The following GABRR1 variants were observed in gnomAD, a reference collection of about 807,000 sequenced individuals.
GABRR1 encodes gamma-aminobutyric acid type A receptor subunit rho1, also known as gamma-aminobutyric acid receptor subunit rho-1.
Under a neutral mutation model 55.5 loss-of-function variants are expected in GABRR1, and 59 were observed. The observed-to-expected ratio is 1.06, with a 90% CI of 0.86 to 1.32. The LOEUF is 1.32. Among genes scored for constraint, GABRR1 ranks in the 40% most tolerant of loss-of-function variants. GABRR1 has a pLI of 0.00. For missense variants in GABRR1, 602 were observed against 619.1 expected, an observed-to-expected ratio of 0.97 and a Z score of 0.29; for synonymous variants, 213 against 226.0, an observed-to-expected ratio of 0.94 and a Z score of 0.51.
At chr6:89,207,474 T>C (rs545436059) in intron 1 of GABRR1, among the ~76,000 whole-genome samples, 5 of 152,126 alleles carry the variant, frequency 3.3e-5, no homozygotes, top group African/African-American at 4.8e-5. Flanking sequence ...GGATTACAAG[T>C]GTGAGCCACC....
chr6:89,231,270 GC>G (rs1773286407), exon 1 of GABRR1: 1 of 153,606 alleles, frequency 6.5e-6, no homozygotes, highest in African/African-American at 2.4e-5. Flanking sequence ...TTCCTATTCG[GC>G]CATCTTGGCT....
intron 5 of GABRR1, among the ~76,000 whole-genome samples, chr6:89,194,861 G>C (rs1312242370): frequency 6.6e-6 from 1 of 151,996 alleles, no homozygotes; most frequent in African/African-American, 2.4e-5. Flanking sequence ...AAGAATAAAA[G>C]GGAACAAAGG....
intron 5 of GABRR1, among the ~76,000 whole-genome samples, chr6:89,191,481 G>T (rs373145507): frequency 6.6e-6 from 1 of 152,184 alleles, no homozygotes; most frequent in African/African-American, 2.4e-5. Flanking sequence ...GTTTTGCTAC[G>T]AACAAGGGGA....
At chr6:89,186,558 C>T (rs1432075092) in intron 6 of GABRR1, among the ~76,000 whole-genome samples, 2 of 152,248 alleles carry the variant, frequency 1.3e-5, no homozygotes, top group South Asian at 4.1e-4. Context: ...AATCTCTACT[C>T]TGTATGTCCT....
chr6:89,217,476 G>A (rs1398293829), upstream of GABRR1: 33 of 783,790 alleles, frequency 4.2e-5, no homozygotes, highest in Middle Eastern at 2.7e-4. Context: ...CTGGAGAGCA[G>A]GAGAAAGCAA....
chr6:89,196,362 T>C (rs1269029764), intron 5 of GABRR1, among the ~76,000 whole-genome samples: 1 of 152,198 alleles, frequency 6.6e-6, no homozygotes, highest in Admixed American at 6.5e-5. Flanking sequence ...TTGTTAAACA[T>C]TTACTAGCAT....
At chr6:89,190,776 T>C (rs1372195130) in intron 5 of GABRR1, among the ~76,000 whole-genome samples, 3 of 152,224 alleles carry the variant, frequency 2.0e-5, no homozygotes, top group African/African-American at 7.2e-5. Context: ...GTGTTGTTAG[T>C]GGATAATTCC....
chr6:89,196,394 G>A (rs1319065115), intron 5 of GABRR1, among the ~76,000 whole-genome samples: 6 of 152,098 alleles, frequency 3.9e-5, no homozygotes, highest in Admixed American at 3.9e-4. Context: ...CATATGTTAT[G>A]GTCTAGTACT....
At chr6:89,187,553 T>A (rs1771944600) in intron 6 of GABRR1, among the ~76,000 whole-genome samples, 1 of 152,144 alleles carries the variant, frequency 6.6e-6, no homozygotes, top group Non-Finnish European at 1.5e-5. Context: ...CATACCACCA[T>A]CCATCTCCAG....
chr6:89,224,307 GT>G (rs1773162568), intron 1 of GABRR1, among the ~76,000 whole-genome samples: 1 of 151,492 alleles, frequency 6.6e-6, no homozygotes, highest in Non-Finnish European at 1.5e-5. Context: ...GGCCAGGCTG[GT>G]CTCAAACTCT....
chr6:89,210,064 C>T (rs2127805194), intron 1 of GABRR1, among the ~76,000 whole-genome samples: 1 of 152,012 alleles, frequency 6.6e-6, no homozygotes, highest in African/African-American at 2.4e-5. Flanking sequence ...TCTGTGGGAG[C>T]TCTGTGGATA....
upstream of GABRR1, chr6:89,221,578 A>T (rs1053674815): frequency 1.3e-5 from 2 of 152,246 alleles, no homozygotes; most frequent in Admixed American, 1.3e-4. Context: ...GAATGTGTGT[A>T]GGTTATATGC....
chr6:89,214,822 C>T (rs999201499), intron 1 of GABRR1, among the ~76,000 whole-genome samples: 2 of 151,848 alleles, frequency 1.3e-5, no homozygotes, highest in African/African-American at 2.4e-5. Context: ...GCCAGGAGCT[C>T]GAGACCAGCC....
At position 89,185,339 on chromosome 6, in the gene GABRR1, G is replaced by A; in HGVS notation, c.767C>T (p.Thr256Ile). ...GCTGCTGTAGAAAGCCAGTTTGGTG[G>A]TGGTGTGGAATTCCTGAATGAGGAA... ...SQFLIQEFHTTTKLAFYSSTG... is the reference protein window; with the variant it reads ...SQFLIQEFHTITKLAFYSSTG... The change falls in exon 7 of 10, where the codon ACC becomes ATC. Residue 256 changes from threonine to isoleucine, a missense_variant. Transcript: ENST00000454853. 6.2e-7 allele frequency: 1 copy of A among 1,613,958 alleles called. No homozygotes were observed. Among genetic ancestry groups the A allele is most frequent in the South Asian group, 1.1e-5 (1 of 91,074 alleles).
intron 1 of GABRR1, among the ~76,000 whole-genome samples, chr6:89,206,439 C>G (rs1016793605): frequency 1.3e-5 from 2 of 152,160 alleles, no homozygotes; most frequent in African/African-American, 4.8e-5. Context: ...TCTTCATACC[C>G]TTTGTTACCC....
At chr6:89,196,822 G>GGAAAGAAAGAAGAAAGAAAGAAA (rs1554190820) in intron 5 of GABRR1, among the ~76,000 whole-genome samples, 4 of 91,062 alleles carry the variant, frequency 4.4e-5, no homozygotes, top group African/African-American at 1.7e-4. Context: ...AAGAAAAGAA[G>GGAAAGAAAGAAGAAAGAAAGAAA]GAAAGAAAGA....
At chr6:89,181,779 A>T in intron 8 of GABRR1, 126 bp downstream of exon 8, 1 of 925,144 alleles carries the variant, frequency 1.1e-6, no homozygotes, top group Non-Finnish European at 1.6e-6. Context: ...ATAACTCTTG[A>T]GTTTTTCCAA....
chr6:89,224,029 G>T lies in GABRR1; in HGVS notation c.-410-2583C>A, dbSNP rs534195668. The stretch of plus-strand genomic sequence containing the variant: ...GCCTGCCTCGGCCTCCCAAAGTGCC[G>T]GGATTACAGGCATGAGCCACCACGC... On this transcript the variant is annotated intron_variant, in intron 1 of 11. Coordinates refer to the GABRR1 transcript ENST00000369451. 5.3e-5 allele frequency among the ~76,000 whole-genome samples: 8 copies of T among 152,032 alleles called. No individual in the cohort carries two copies. The South Asian group carries it at 1.7e-3, about 32-fold the overall frequency.
chr6:89,197,962 G>A (rs1193600352), intron 5 of GABRR1, 58 bp downstream of exon 5: 3 of 1,492,308 alleles, frequency 2.0e-6, no homozygotes, highest in Non-Finnish European at 2.8e-6. Flanking sequence ...AACCCAAATT[G>A]CTGTTGTGAA....
Sources: gnomAD v4.1 joint callset for allele counts (sites outside exome capture counted in the v4.1 genomes callset) on GRCh38, gnomAD v4.1.1 for gene constraint, MANE v1.5 for transcripts, NCBI Gene and HGNC (gene_info 2026-07-23, HGNC 2026-07-21) for gene names.